Variants in CRISPLD2 observed in about 807,000 individuals in gnomAD.
The protein encoded by CRISPLD2 is cysteine rich secretory protein LCCL domain containing 2.
A neutral mutation model predicts 71.1 loss-of-function variants in CRISPLD2; 47 were observed. The ratio of observed to expected loss-of-function variants is 0.66; its 90% CI spans 0.52 to 0.84. The LOEUF (loss-of-function observed/expected upper bound fraction) is 0.84. Ranked by LOEUF, CRISPLD2 falls within the 40% of genes least tolerant of loss-of-function variation. The pLI, the probability that CRISPLD2 is intolerant of heterozygous loss-of-function variation, is 0.00. For missense variants in CRISPLD2, 830 were observed against 651.1 expected (o/e 1.27, Z -2.99); for synonymous variants, 317 against 250.1 (o/e 1.27, Z -2.52).
intron 6 of CRISPLD2, among the ~76,000 whole-genome samples, chr16:84,859,283 A>G (rs2646101): frequency 0.11 from 16,384 of 151,948 alleles, 996 homozygotes; most frequent in Admixed American, 0.18. Context: ...CTGAGCTAAA[A>G]CTCCATTAAT....
At chr16:84,886,110 A>G (rs1284264566) in intron 13 of CRISPLD2, among the ~76,000 whole-genome samples, 2 of 152,074 alleles carry the variant, frequency 1.3e-5, no homozygotes, top group Admixed American at 1.3e-4. Flanking sequence ...GGCTGATCTC[A>G]AACTCCTGTC....
intron 5 of CRISPLD2, among the ~76,000 whole-genome samples, chr16:84,851,523 G>A (rs375790442): frequency 3.3e-5 from 5 of 152,242 alleles, no homozygotes; most frequent in African/African-American, 1.2e-4. Context: ...TTTGGGTCAG[G>A]AGTAGTTATG....
chr16:84,839,586 GTGAT>G (rs906882144), intron 2 of CRISPLD2: 1 of 152,970 alleles, frequency 6.5e-6, no homozygotes, highest in African/African-American at 2.4e-5. Flanking sequence ...ACCCTCCCGG[GTGAT>G]TGTGATGGGT....
Position 84,838,687 on chromosome 16 carries a change from C to A in CRISPLD2, c.192C>A (p.Asn64Lys), listed in dbSNP as rs752634722. ...AGGAGGAGATCCTCATGCTGCACAA[C>A]AAGCTTCGGGGCCAGGTGCAGCCTC... ...EDKEEILMLH[N>K]KLRGQVQPQA... Residue 64 changes from asparagine to lysine, a missense_variant, in exon 2 of 15, where the codon AAC becomes AAA. Transcript: ENST00000262424. 4 of 1,614,058 alleles carry A rather than the reference C, an allele frequency of 2.5e-6. No homozygotes were observed. In the Admixed American group the frequency reaches 5.0e-5, roughly 20 times the overall value.
intron 14 of CRISPLD2, 131 bp from the exon 15 acceptor site, chr16:84,906,457 G>A (rs968674177): frequency 1.6e-5 from 13 of 834,734 alleles, no homozygotes; most frequent in African/African-American, 1.5e-4. Context: ...CTTCAAGGAA[G>A]TGTCCCTTGG....
In CRISPLD2 at chr16:84,877,302, G is replaced by A. The variant is rs576673506; in HGVS notation, c.1157-136G>A. On this transcript the variant is annotated intron_variant, in intron 11 of 14. Coordinates refer to ENST00000262424, the MANE Select transcript of CRISPLD2 (RefSeq NM_031476.4). ...TACGTGGGGTACGAGGAGCCTGCTG[G>A]GTCGTAGTCCCAGCTCTATTCAAGG... The A allele has an allele frequency of 1.8e-4, 119 of 660,104 alleles. No homozygotes were observed. The African/African-American group carries it at 2.0e-3, about 11-fold the overall frequency. 40.9% of individuals were successfully genotyped at this position (660,104 alleles called of 1,614,324 possible).
chr16:84,821,362 G>T (rs1916226924), intron 1 of CRISPLD2, among the ~76,000 whole-genome samples: 1 of 152,214 alleles, frequency 6.6e-6, no homozygotes, highest in Non-Finnish European at 1.5e-5. Flanking sequence ...AGGAGAAGGG[G>T]TGGGTGTGTG....
intron 14 of CRISPLD2, among the ~76,000 whole-genome samples, chr16:84,895,594 T>A (rs1245202422): frequency 6.6e-6 from 1 of 152,076 alleles, no homozygotes; most frequent in Non-Finnish European, 1.5e-5. Flanking sequence ...AGTCTGAAAC[T>A]TTTCCCCCCT....
intron 1 of CRISPLD2, chr16:84,836,508 A>G (rs1161337622): frequency 3.3e-5 from 5 of 152,292 alleles, no homozygotes; most frequent in Non-Finnish European, 5.9e-5. Flanking sequence ...CTGCCCTGCT[A>G]CAAAGCAAGC....
chr16:84,894,372 A>G (rs1218326424), intron 14 of CRISPLD2, among the ~76,000 whole-genome samples: 3 of 152,224 alleles, frequency 2.0e-5, no homozygotes, highest in African/African-American at 7.2e-5. Flanking sequence ...TATATAAACA[A>G]TGACAGTGAG....
At chr16:84,881,244 T>G (rs11862670) in intron 13 of CRISPLD2, among the ~76,000 whole-genome samples, 30,494 of 152,186 alleles carry the variant, frequency 0.2, 3,139 homozygotes, top group Admixed American at 0.27. Flanking sequence ...CCACGCACTG[T>G]ATTTCTTCTC....
intron 11 of CRISPLD2, among the ~76,000 whole-genome samples, chr16:84,876,048 C>T (rs1266025396): frequency 6.6e-6 from 1 of 152,156 alleles, no homozygotes; most frequent in African/African-American, 2.4e-5. Flanking sequence ...TTAAATCCTG[C>T]CTATTGCCTG....
At chr16:84,888,214 C>G (rs949095542) in intron 13 of CRISPLD2, among the ~76,000 whole-genome samples, 2 of 152,214 alleles carry the variant, frequency 1.3e-5, no homozygotes, top group Non-Finnish European at 2.9e-5. Flanking sequence ...CATTCATTGG[C>G]TCATGGCCTC....
chr16:84,861,884 G>C (rs997926606), intron 6 of CRISPLD2, among the ~76,000 whole-genome samples: 6 of 152,144 alleles, frequency 3.9e-5, no homozygotes, highest in African/African-American at 1.4e-4. Context: ...AAGCCATGAT[G>C]GCGCCACTGC....
intron 3 of CRISPLD2, among the ~76,000 whole-genome samples, chr16:84,846,376 C>A (rs1916915065): frequency 6.6e-6 from 1 of 152,122 alleles, no homozygotes; most frequent in Non-Finnish European, 1.5e-5. Flanking sequence ...CCTCAGCCTC[C>A]CAAGTAGCTG....
At chr16:84,848,155 C>T (rs1387435142) in intron 3 of CRISPLD2, among the ~76,000 whole-genome samples, 2 of 152,188 alleles carry the variant, frequency 1.3e-5, no homozygotes, top group Non-Finnish European at 2.9e-5. Flanking sequence ...CACAGCCATG[C>T]CAGTGCCAGC....
intron 12 of CRISPLD2, among the ~76,000 whole-genome samples, chr16:84,877,841 T>G (rs1309344083): frequency 6.6e-6 from 1 of 150,404 alleles, no homozygotes; most frequent in African/African-American, 2.4e-5. Context: ...CGAGTGAAAC[T>G]GTGTCCCAAA....
chr16:84,852,017 C>A (rs150697270), intron 5 of CRISPLD2, among the ~76,000 whole-genome samples: 4 of 150,614 alleles, frequency 2.7e-5, no homozygotes, highest in Middle Eastern at 6.8e-3. Flanking sequence ...GTCCCCTGGA[C>A]CAAGGGGTGG....
rs368719942 is a variant in CRISPLD2, at chr16:84,850,617, G to A, written c.542G>A (p.Arg181Gln). The change falls in exon 5 of 15, where the codon CGG becomes CAG. Residue 181 changes from arginine (R) to glutamine (Q), a missense_variant. Transcript: ENST00000262424. Reference protein sequence around the residue: ...NKIGCAVNTCRKMTVWGEVWE... With the variant: ...NKIGCAVNTCQKMTVWGEVWE... ...ATCGGTTGTGCTGTGAACACCTGCC[G>A]GAAGATGACTGTCTGGGGAGAAGTT... is the stretch of plus-strand genomic sequence containing the variant. 4.4e-5 allele frequency: 71 copies of A among 1,614,008 alleles called. No homozygotes were observed. In the Middle Eastern group the frequency reaches 6.6e-4, roughly 15 times the overall value.
Sources: gnomAD v4.1 joint callset for allele counts (sites outside exome capture counted in the v4.1 genomes callset) on GRCh38, gnomAD v4.1.1 for gene constraint, MANE v1.5 for transcripts, NCBI Gene and HGNC (gene_info 2026-07-23, HGNC 2026-07-21) for gene names.